CNTN4: variants seen among roughly 807,000 people sequenced by gnomAD.
CNTN4 encodes contactin-4.
A neutral mutation model predicts 122.5 loss-of-function variants in CNTN4; 77 were observed. The observed-to-expected ratio is 0.63, with a 90% CI of 0.52 to 0.76. The LOEUF (loss-of-function observed/expected upper bound fraction) is 0.76, where lower values mean the gene tolerates loss of function less well. Ranked by LOEUF, CNTN4 falls within the 30% of genes least tolerant of loss-of-function variation. The pLI, the probability that CNTN4 is intolerant of heterozygous loss-of-function variation, is 0.00. For synonymous variants in CNTN4, 512 were observed against 447.0 expected, an observed-to-expected ratio of 1.15 and a Z score of -1.83; for missense variants, 1,256 against 1,259.1, an observed-to-expected ratio of 1.00 and a Z score of 0.04.
intron 4 of CNTN4, among the ~76,000 whole-genome samples, chr3:2,618,950 G>A (rs530331722): frequency 5.3e-5 from 8 of 152,234 alleles, no homozygotes; most frequent in Non-Finnish European, 1.5e-5. Context: ...GCAGAGACTG[G>A]GAAATTATTT....
At chr3:2,292,858 C>G (rs1409838594) in intron 2 of CNTN4, among the ~76,000 whole-genome samples, 1 of 152,158 alleles carries the variant, frequency 6.6e-6, no homozygotes, top group Non-Finnish European at 1.5e-5. Context: ...ATAAATAAAA[C>G]AGTTATGAAT....
chr3:2,932,069 G>T (rs2094525325), intron 13 of CNTN4, among the ~76,000 whole-genome samples: 3 of 151,088 alleles, frequency 2.0e-5, no homozygotes, highest in African/African-American at 7.3e-5. Context: ...TGGGGGGTGG[G>T]AGTTTGGCTT....
intron 13 of CNTN4, among the ~76,000 whole-genome samples, chr3:2,954,950 G>A (rs909869515): frequency 1.3e-5 from 2 of 151,874 alleles, no homozygotes; most frequent in African/African-American, 2.4e-5. Flanking sequence ...CATTCCCTAC[G>A]CCCTGCCCCC....
intron 3 of CNTN4, among the ~76,000 whole-genome samples, chr3:2,442,524 T>G (rs2048478215): frequency 6.6e-6 from 1 of 152,164 alleles, no homozygotes; most frequent in Non-Finnish European, 1.5e-5. Context: ...TTTATTTATT[T>G]TATCCTATGT....
intron 3 of CNTN4, among the ~76,000 whole-genome samples, chr3:2,450,082 A>G (rs2048770698): frequency 6.6e-6 from 1 of 152,144 alleles, no homozygotes; most frequent in African/African-American, 2.4e-5. Context: ...TTAAGAGGGT[A>G]GAAGCTGGGT....
At chr3:2,805,818 A>T (rs1168379726) in intron 6 of CNTN4, among the ~76,000 whole-genome samples, 4 of 152,302 alleles carry the variant, frequency 2.6e-5, no homozygotes, top group Non-Finnish European at 5.9e-5. Flanking sequence ...GTCTGTGCAG[A>T]TGGAATGTTG....
chr3:2,905,094 G>A (rs1006643085), intron 12 of CNTN4, among the ~76,000 whole-genome samples: 2 of 152,046 alleles, frequency 1.3e-5, no homozygotes, highest in African/African-American at 2.4e-5. Flanking sequence ...TCTCCCTCTA[G>A]TACTAGGATT....
Position 3,004,647 on chromosome 3 carries a change from A to G in CNTN4, c.1486+16175A>G, listed in dbSNP as rs537335439. On this transcript the variant is annotated intron_variant, in intron 14 of 24. Coordinates refer to ENST00000418658, the MANE Select transcript of CNTN4 (RefSeq NM_175607.3). ...ATTTATATAATAGTACCTATTTCAT[A>G]GGATAGTTGGGAAGACTAAATTAGA... Among the ~76,000 whole-genome samples the G allele has an allele frequency of 1.0e-4, 16 of 152,384 alleles. No individual in the cohort carries two copies. The East Asian group carries it at 2.7e-3, about 26-fold the overall frequency.
At chr3:2,789,341 G>A (rs1000584647) in intron 6 of CNTN4, among the ~76,000 whole-genome samples, 2 of 152,208 alleles carry the variant, frequency 1.3e-5, no homozygotes, top group African/African-American at 4.8e-5. Flanking sequence ...GTGGAATTAT[G>A]TTTAGTTATT....
intron 6 of CNTN4, among the ~76,000 whole-genome samples, chr3:2,805,657 T>C (rs1279465374): frequency 1.3e-5 from 2 of 152,090 alleles, no homozygotes; most frequent in African/African-American, 2.4e-5. Context: ...CTGACCTGCA[T>C]TGAAAACAAT....
chr3:2,543,578 G>A (rs746862532), intron 3 of CNTN4, among the ~76,000 whole-genome samples: 3 of 152,018 alleles, frequency 2.0e-5, no homozygotes, highest in Admixed American at 6.6e-5. Context: ...CAGCTTCATC[G>A]ATTTTTAGCT....
chr3:2,801,990 T>G (rs754140963), intron 6 of CNTN4, among the ~76,000 whole-genome samples: 4 of 152,236 alleles, frequency 2.6e-5, no homozygotes, highest in Non-Finnish European at 4.4e-5. Flanking sequence ...TATAAAAATG[T>G]AAGGAAACAT....
At chr3:2,293,276 G>C (rs893732646) in intron 2 of CNTN4, among the ~76,000 whole-genome samples, 2 of 152,162 alleles carry the variant, frequency 1.3e-5, no homozygotes, top group Non-Finnish European at 2.9e-5. Flanking sequence ...AATATTAGTA[G>C]TACTATCTTA....
At chr3:2,364,842 A>T (rs1019642716) in intron 3 of CNTN4, among the ~76,000 whole-genome samples, 8 of 152,190 alleles carry the variant, frequency 5.3e-5, no homozygotes, top group African/African-American at 1.9e-4. Flanking sequence ...TTGCCATGAC[A>T]ATATCAAGTC....
intron 4 of CNTN4, among the ~76,000 whole-genome samples, chr3:2,708,537 C>G (rs1559412849): frequency 6.6e-6 from 1 of 152,134 alleles, no homozygotes. Flanking sequence ...ACTTCAGTGA[C>G]AAAACTGTGA....
At chr3:2,324,827 T>TC (rs141491400) in intron 2 of CNTN4, among the ~76,000 whole-genome samples, 6,079 of 152,052 alleles carry the variant, frequency 0.04, 167 homozygotes, top group East Asian at 0.11. Context: ...CCCCCAACTT[T>TC]CCAACCTCGC....
At chr3:2,938,340 T>A (rs1397154676) in intron 13 of CNTN4, among the ~76,000 whole-genome samples, 1 of 152,204 alleles carries the variant, frequency 6.6e-6, no homozygotes, top group African/African-American at 2.4e-5. Context: ...CGCTTGTTTT[T>A]TTTTTAGTCT....
intron 4 of CNTN4, among the ~76,000 whole-genome samples, chr3:2,645,669 CA>C (rs1481283489): frequency 6.6e-6 from 1 of 152,132 alleles, no homozygotes; most frequent in African/African-American, 2.4e-5. Flanking sequence ...GCATTCTTTA[CA>C]AAATCTACTG....
At chr3:2,879,859 A>G (rs1310938817) in intron 8 of CNTN4, among the ~76,000 whole-genome samples, 6 of 152,194 alleles carry the variant, frequency 3.9e-5, no homozygotes, top group Non-Finnish European at 7.3e-5. Context: ...TTATACCTTA[A>G]AAACTTGTTT....
Sources: allele counts gnomAD v4.1 joint callset (sites outside exome capture counted in the v4.1 genomes callset), GRCh38; gene constraint gnomAD v4.1.1; transcripts MANE v1.5; gene names NCBI Gene and HGNC (gene_info 2026-07-23, HGNC 2026-07-21).